The following DTNB variants were observed in gnomAD, a reference collection of about 807,000 sequenced individuals.
DTNB encodes the protein dystrobrevin beta.
Under a neutral mutation model 90.7 loss-of-function variants are expected in DTNB, and 63 were observed. The observed-to-expected ratio is 0.69, with a 90% CI of 0.57 to 0.86. The LOEUF (loss-of-function observed/expected upper bound fraction) is 0.86. DTNB is among the 40% of genes least tolerant of loss of function. DTNB has a pLI of 0.00. For synonymous variants in DTNB, 277 were observed against 286.7 expected (o/e 0.97, Z 0.34); for missense variants, 744 against 807.1 (o/e 0.92, Z 0.95).
intron 16 of DTNB, among the ~76,000 whole-genome samples, chr2:25,402,300 T>C (rs547136224): frequency 6.6e-6 from 1 of 152,222 alleles, no homozygotes; most frequent in Non-Finnish European, 1.5e-5. Context: ...ATGGAAGTGC[T>C]CAGAGAATGG....
At position 25,527,500 on chromosome 2, in the gene DTNB, A is replaced by T. The variant is rs566910659; in HGVS notation, c.1001+3973T>A. Among the ~76,000 whole-genome samples, 112 of 152,192 alleles carry T rather than the reference A, an allele frequency of 7.4e-4. 1 individual carries two copies. Among genetic ancestry groups the T allele is most frequent in the African/African-American group, 2.6e-3 (110 of 41,518 alleles). ...ATTGCCACTGCACTCCAGCCTGGCG[A>T]CAGACTGAGACTCTGTCTCAAAAAA... On this transcript the variant is annotated intron_variant, in intron 9 of 20. Coordinates refer to ENST00000406818, the MANE Select transcript of DTNB (RefSeq NM_021907.5).
intron 9 of DTNB, among the ~76,000 whole-genome samples, chr2:25,507,117 T>A (rs2150632803): frequency 6.6e-6 from 1 of 152,344 alleles, no homozygotes; most frequent in East Asian, 1.9e-4. Flanking sequence ...CTAAATATTA[T>A]CTGTAAGTTG....
chr2:25,490,633 G>A (rs536980732), intron 9 of DTNB, among the ~76,000 whole-genome samples: 2 of 152,178 alleles, frequency 1.3e-5, no homozygotes, highest in African/African-American at 4.8e-5. Context: ...GAAAGGAAAA[G>A]TAAACCATGG....
chr2:25,526,384 TATATATATATA>T (rs1242922379), intron 9 of DTNB, among the ~76,000 whole-genome samples: 15 of 53,522 alleles, frequency 2.8e-4, no homozygotes, highest in Non-Finnish European at 3.3e-4. Context: ...TATATATATA[TATATATATATA>T]TTTTTTTTTT....
rs773806416 is a variant in DTNB, at chr2:25,576,944, C to T, written c.770G>A (p.Arg257Gln). ...RCESMMGFRYRCQQCHNYQLC... is the reference protein window; with the variant it reads ...RCESMMGFRYQCQQCHNYQLC... ...CTGATAGTTGTGGCACTGCTGGCAT[C>T]GGTACCGGAAACCCATCATACTCTC... Residue 257 changes from arginine (R) to glutamine (Q), a missense_variant, in exon 8 of 21, where the codon CGA (arginine) becomes CAA (glutamine). Physicochemically the swap from Arg to Gln is conservative, Grantham distance 43. Transcript: ENST00000406818. 1.5e-5 allele frequency: 24 copies of T among 1,611,992 alleles called. No individual in the cohort carries two copies. The highest frequency in any genetic ancestry group is 1.6e-4 in the Middle Eastern group (1 of 6,076).
intron 16 of DTNB, among the ~76,000 whole-genome samples, chr2:25,405,698 T>C (rs112464178): frequency 0.012 from 1,755 of 152,198 alleles, 38 homozygotes; most frequent in African/African-American, 0.04. Flanking sequence ...CTACATAATA[T>C]CTGGTTTGGC....
chr2:25,655,641 T>G (rs531213708), intron 1 of DTNB, among the ~76,000 whole-genome samples: 2 of 152,246 alleles, frequency 1.3e-5, no homozygotes, highest in Non-Finnish European at 2.9e-5. Flanking sequence ...TCATTTAAGG[T>G]GGAAATAAAT....
chr2:25,525,447 G>A (rs2076906787), intron 9 of DTNB, among the ~76,000 whole-genome samples: 1 of 152,002 alleles, frequency 6.6e-6, no homozygotes, highest in Admixed American at 6.6e-5. Flanking sequence ...GACCAGCCTG[G>A]CCAACATTGT....
chr2:25,568,489 C>T (rs969554087), intron 8 of DTNB, among the ~76,000 whole-genome samples: 11 of 151,826 alleles, frequency 7.2e-5, no homozygotes, highest in African/African-American at 2.2e-4. Flanking sequence ...AAAAAAAACA[C>T]ACACAATTAT....
At chr2:25,639,488 C>T (rs554495119) in intron 2 of DTNB, among the ~76,000 whole-genome samples, 59 of 107,910 alleles carry the variant, frequency 5.5e-4, no homozygotes, top group African/African-American at 1.6e-3. Flanking sequence ...GGCCATGCCC[C>T]GTGGCTGTGG....
intron 8 of DTNB, chr2:25,558,211 T>G: frequency 5.1e-6 from 5 of 985,422 alleles, no homozygotes; most frequent in Non-Finnish European, 6.0e-6. Context: ...ATTAAATTTA[T>G]TTAGAGAAAG....
At chr2:25,466,807 T>G (rs1034363183) in intron 10 of DTNB, among the ~76,000 whole-genome samples, 4 of 152,226 alleles carry the variant, frequency 2.6e-5, no homozygotes, top group Non-Finnish European at 2.9e-5. Context: ...AGAGTTGTTA[T>G]AATGGATTTT....
rs779882277 is a variant in DTNB at position 25,607,273 on chromosome 2, T to A, written c.411A>T (p.Ala137=). 18 of 1,608,022 alleles carry A rather than the reference T, an allele frequency of 1.1e-5. No homozygotes were observed. Among genetic ancestry groups the A allele is most frequent in the Non-Finnish European group, 1.5e-5 (18 of 1,177,064 alleles). ...LTVFSVKAML[A]TMCGGKMLDK... ...CCAGCATTTTTCCACCACACATGGT[T>A]GCTAACATAGCTTTAACTGAAAATA... Residue 137 remains alanine (A), a synonymous_variant, in exon 5 of 21, where the codon GCA becomes GCT. Coordinates refer to ENST00000406818, the MANE Select transcript of DTNB (RefSeq NM_021907.5).
chr2:25,502,157 C>A (rs183225780), intron 9 of DTNB, among the ~76,000 whole-genome samples: 28 of 152,134 alleles, frequency 1.8e-4, no homozygotes, highest in Admixed American at 1.8e-3. Flanking sequence ...TGCACTCCAA[C>A]CTGAGCGACT....
chr2:25,642,721 C>A (rs1412134178), intron 2 of DTNB, among the ~76,000 whole-genome samples: 2 of 151,852 alleles, frequency 1.3e-5, no homozygotes, highest in Non-Finnish European at 2.9e-5. Flanking sequence ...CTGGAATCTT[C>A]ATTTTTAACA....
chr2:25,395,790 G>C (rs796312339), intron 16 of DTNB, among the ~76,000 whole-genome samples: 1 of 152,086 alleles, frequency 6.6e-6, no homozygotes, highest in South Asian at 2.1e-4. Flanking sequence ...GAAAGCACTA[G>C]AGATGGAATT....
intron 6 of DTNB, among the ~76,000 whole-genome samples, chr2:25,588,399 C>G (rs978946728): frequency 2.0e-5 from 3 of 151,608 alleles, no homozygotes; most frequent in African/African-American, 7.3e-5. Context: ...CGGAGTCTCC[C>G]TCTATTGCCA....
At chr2:25,408,626 C>A (rs1410952028) in intron 16 of DTNB, among the ~76,000 whole-genome samples, 2 of 143,600 alleles carry the variant, frequency 1.4e-5, no homozygotes, top group Non-Finnish European at 3.0e-5. Context: ...TTCTACTTTT[C>A]TTTTTTTAAA....
chr2:25,492,015 A>G (rs1014866994), intron 9 of DTNB, among the ~76,000 whole-genome samples: 1 of 152,052 alleles, frequency 6.6e-6, no homozygotes, highest in Admixed American at 6.6e-5. Context: ...GTGTGTGCTC[A>G]GTCATTCGAG....
Sources: gnomAD v4.1 joint callset for allele counts (sites outside exome capture counted in the v4.1 genomes callset) on GRCh38, gnomAD v4.1.1 for gene constraint, MANE v1.5 for transcripts, NCBI Gene and HGNC (gene_info 2026-07-23, HGNC 2026-07-21) for gene names.